EVC2: variants seen among roughly 807,000 people sequenced by gnomAD.
The protein encoded by EVC2 is EvC ciliary complex subunit 2, also known as limbin.
In EVC2, 148 loss-of-function variants were observed where a neutral mutation model predicts 149.3. The observed-to-expected ratio is 0.99, with a 90% CI of 0.87 to 1.14. The LOEUF is 1.14. Among genes scored for constraint, EVC2 ranks in the 50% most tolerant of loss-of-function variants. EVC2 has a pLI of 0.00. For missense variants in EVC2, 1,854 were observed against 1,627.3 expected (o/e 1.14, Z -2.40); for synonymous variants, 776 against 649.9 (o/e 1.19, Z -2.95).
chr4:5,699,627 G>A (rs1383512842), intron 1 of EVC2, among the ~76,000 whole-genome samples: 2 of 132,240 alleles, frequency 1.5e-5, no homozygotes, highest in South Asian at 2.3e-4. Flanking sequence ...ACAACATAGG[G>A]AGACTCCATC....
chr4:5,699,642 CAAAAAA>C (rs773633372), intron 1 of EVC2, among the ~76,000 whole-genome samples: 23 of 111,718 alleles, frequency 2.1e-4, no homozygotes, highest in Middle Eastern at 5.3e-3. Context: ...TCCATCTCTA[CAAAAAA>C]AAAAAAAAAA....
chr4:5,669,215 A>T (rs1719474003), intron 7 of EVC2, among the ~76,000 whole-genome samples: 3 of 152,206 alleles, frequency 2.0e-5, no homozygotes, highest in African/African-American at 7.2e-5. Flanking sequence ...GAGAAAATTA[A>T]ATTGTTGTAT....
downstream of EVC2, among the ~76,000 whole-genome samples, chr4:5,540,281 T>C (rs916578638): frequency 6.6e-6 from 1 of 152,244 alleles, no homozygotes; most frequent in Non-Finnish European, 1.5e-5. Flanking sequence ...GACAGATTCT[T>C]ACAATGCTTA....
chr4:5,675,436 G>A (rs898152358), intron 7 of EVC2, among the ~76,000 whole-genome samples: 1 of 152,190 alleles, frequency 6.6e-6, no homozygotes, highest in Non-Finnish European at 1.5e-5. Flanking sequence ...ATTGATAGAT[G>A]TGTGTGTAGA....
chr4:5,578,749 G>A (rs1711512851), intron 17 of EVC2, among the ~76,000 whole-genome samples: 2 of 152,086 alleles, frequency 1.3e-5, no homozygotes, highest in African/African-American at 4.8e-5. Context: ...AGGGGTGAAT[G>A]AGACATGAAA....
intron 3 of EVC2, among the ~76,000 whole-genome samples, chr4:5,694,049 C>T (rs1256676264): frequency 1.3e-5 from 2 of 152,174 alleles, no homozygotes; most frequent in African/African-American, 4.8e-5. Context: ...CTGGCAGTCA[C>T]TCGGTCTGGT....
intron 17 of EVC2, among the ~76,000 whole-genome samples, chr4:5,582,817 G>A (rs1041393444): frequency 5.3e-5 from 8 of 152,264 alleles, no homozygotes; most frequent in Middle Eastern, 3.4e-3. Context: ...TGCTGTTCTC[G>A]TGATGGAGTT....
rs2108788584 is a variant in EVC2 at position 5,584,737 on chromosome 4, A to G, written c.2943T>C (p.Thr981=). The G allele has an allele frequency of 6.2e-7, 1 of 1,614,166 alleles. No individual in the cohort carries two copies. The highest frequency in any genetic ancestry group is 8.5e-7 in the Non-Finnish European group (1 of 1,180,022). The change falls in exon 17 of 22, where the codon ACT becomes ACC. Residue 981 remains threonine, a synonymous_variant. Transcript: ENST00000344408. Reference sequence around the variant, plus strand: ...TGAGGAGGGCGGTGTAGGCCGACAGAGTCTCGGTCACCCGGGACGCCTTCT... The same window carrying G: ...TGAGGAGGGCGGTGTAGGCCGACAGGGTCTCGGTCACCCGGGACGCCTTCT... ...QFQKASRVTE[T]LSAYTALLSI...
At chr4:5,533,937 G>A in the EVC2 span, among the ~76,000 whole-genome samples, 3 of 152,200 alleles carry the variant, frequency 2.0e-5, no homozygotes, top group African/African-American at 7.2e-5. Flanking sequence ...GCAAAGAGAA[G>A]ACAAACATGG....
Position 5,618,668 on chromosome 4 carries a change from G to A in EVC2, c.2516C>T (p.Ser839Leu), listed in dbSNP as rs577984968. Residue 839 changes from serine (S) to leucine (L), a missense_variant, in exon 15 of 22, where the codon TCA (serine) becomes TTA (leucine). Physicochemically the swap from Ser to Leu is moderately radical, Grantham distance 145. Coordinates refer to ENST00000344408, the MANE Select transcript of EVC2 (RefSeq NM_147127.5). The surrounding 1 kb of genome is among the most constrained non-coding windows in gnomAD (Gnocchi z 4.4). ...EHLIFMKLCS[S>L]VFSLSEEELL... ...CTCCTCTTCAGACAGGGAGAAGACT[G>A]AGGAGCAGAGCTTCCTGGGAGGAAG... 5 of 1,601,802 alleles carry A rather than the reference G, an allele frequency of 3.1e-6. No individual in the cohort carries two copies. Among genetic ancestry groups the A allele is most frequent in the Non-Finnish European group, 2.6e-6 (3 of 1,173,942 alleles).
chr4:5,609,893 T>G (rs2108820976), intron 16 of EVC2, among the ~76,000 whole-genome samples: 1 of 152,300 alleles, frequency 6.6e-6, no homozygotes, highest in Admixed American at 6.5e-5. Flanking sequence ...CTAACATCTC[T>G]GAGACTCAGT....
At chr4:5,638,948 T>C (rs754501030) in intron 10 of EVC2, among the ~76,000 whole-genome samples, 4 of 152,274 alleles carry the variant, frequency 2.6e-5, no homozygotes, top group South Asian at 4.2e-4. Context: ...TTCTGTTGTT[T>C]TAAGCCACTA....
intron 7 of EVC2, among the ~76,000 whole-genome samples, chr4:5,678,584 C>T (rs6446389): frequency 0.79 from 120,290 of 152,116 alleles, 47,865 homozygotes; most frequent in African/African-American, 0.84. Context: ...TGTGCAAACA[C>T]CACAGAGTGA....
chr4:5,643,532 C>A (rs1048012705), intron 9 of EVC2, among the ~76,000 whole-genome samples: 1 of 152,286 alleles, frequency 6.6e-6, no homozygotes, highest in East Asian at 1.9e-4. Context: ...TCCTGTTAAT[C>A]TATCTCATGT....
intron 16 of EVC2, among the ~76,000 whole-genome samples, chr4:5,589,611 C>A (rs1006722068): frequency 2.0e-5 from 3 of 152,152 alleles, no homozygotes; most frequent in Non-Finnish European, 2.9e-5. Flanking sequence ...TGTGCCTCAG[C>A]CTGGAAACCC....
rs769447158 is a variant in EVC2, at chr4:5,584,686, C to A, written c.2994G>T (p.Glu998Asp). The A allele has an allele frequency of 2.1e-5, 34 of 1,614,154 alleles. 2 individuals carry two copies. In the South Asian group the frequency reaches 3.5e-4, roughly 17 times the overall value. ...LLSIQDLLLE[E>D]LSASEMLTKS... ...TGGTCAGCATCTCAGATGCACTCAGCTCTTCCAGGAGCAAGTCCTGGATGC... is the reference window on the plus strand; with the variant it reads ...TGGTCAGCATCTCAGATGCACTCAGATCTTCCAGGAGCAAGTCCTGGATGC... Residue 998 changes from glutamate (E) to aspartate (D), a missense_variant, in exon 17 of 22, where the codon GAG (glutamate) becomes GAT (aspartate). Coordinates refer to ENST00000344408, the MANE Select transcript of EVC2 (RefSeq NM_147127.5).
chr4:5,611,766 T>C (rs1714836848), intron 16 of EVC2, among the ~76,000 whole-genome samples: 1 of 152,184 alleles, frequency 6.6e-6, no homozygotes, highest in African/African-American at 2.4e-5. Flanking sequence ...GTTGTGAAGA[T>C]AAGTAATCTG....
At chr4:5,580,321 A>C (rs757010176) in intron 17 of EVC2, among the ~76,000 whole-genome samples, 2 of 152,250 alleles carry the variant, frequency 1.3e-5, no homozygotes, top group Non-Finnish European at 1.5e-5. Context: ...TCATTTAAGA[A>C]TACGGCATCA....
intron 7 of EVC2, among the ~76,000 whole-genome samples, chr4:5,667,072 A>G (rs536429197): frequency 1.3e-5 from 2 of 152,226 alleles, no homozygotes; most frequent in African/African-American, 4.8e-5. Context: ...TATAGTTCTG[A>G]ATATCTTAGC....
Sources: allele counts gnomAD v4.1 joint callset (sites outside exome capture counted in the v4.1 genomes callset), GRCh38; gene constraint gnomAD v4.1.1; non-coding constraint Gnocchi (gnomAD v3.1); transcripts MANE v1.5; gene names NCBI Gene and HGNC (gene_info 2026-07-23, HGNC 2026-07-21).